The following TAMM41 variants were observed in gnomAD, a reference collection of about 807,000 sequenced individuals.
TAMM41 encodes phosphatidate cytidylyltransferase, mitochondrial.
In TAMM41, 36 loss-of-function variants were observed where a neutral mutation model predicts 44.1. The observed-to-expected ratio is 0.82, with a 90% CI of 0.63 to 1.08. TAMM41 has a LOEUF of 1.08. Among genes scored for constraint, TAMM41 ranks in the 50% least tolerant of loss-of-function variants. The pLI, the probability that TAMM41 is intolerant of heterozygous loss-of-function variation, is 0.00. For missense variants in TAMM41, 417 were observed against 404.3 expected (o/e 1.03, Z -0.27); for synonymous variants, 164 against 153.1 (o/e 1.07, Z -0.53).
intron 1 of TAMM41, among the ~76,000 whole-genome samples, chr3:11,845,425 G>A (rs1222608014): frequency 6.6e-6 from 1 of 152,170 alleles, no homozygotes; most frequent in African/African-American, 2.4e-5. Flanking sequence ...AAACCTCCAT[G>A]GAAGAATGAA....
At chr3:11,776,307 C>T in the TAMM41 span, among the ~76,000 whole-genome samples, 15 of 146,062 alleles carry the variant, frequency 1.0e-4, no homozygotes, top group Non-Finnish European at 2.1e-4. Flanking sequence ...TGTGAGCCAC[C>T]GCGCCCGGCC....
At chr3:11,727,316 T>C in the TAMM41 span, among the ~76,000 whole-genome samples, 1 of 152,212 alleles carries the variant, frequency 6.6e-6, no homozygotes, top group Non-Finnish European at 1.5e-5. Flanking sequence ...TGCAGACTAA[T>C]TGCATCCAGC....
At chr3:11,813,936 ATATG>A (rs1312603502) in intron 5 of TAMM41, among the ~76,000 whole-genome samples, 2 of 149,200 alleles carry the variant, frequency 1.3e-5, no homozygotes, top group Admixed American at 6.7e-5. Context: ...ATGTGTGTAT[ATATG>A]TGTATATATA....
At chr3:11,771,214 G>A in the TAMM41 span, 1 of 152,392 alleles carries the variant, frequency 6.6e-6, no homozygotes, top group African/African-American at 2.4e-5. Flanking sequence ...TGAACAGGAA[G>A]AGACACTAGG....
At chr3:11,727,913 A>T in the TAMM41 span, among the ~76,000 whole-genome samples, 4 of 150,972 alleles carry the variant, frequency 2.6e-5, 1 homozygote, top group Admixed American at 2.6e-4. Flanking sequence ...CAGCCTCCTG[A>T]GTAGCTGGGA....
chr3:11,764,488 T>TTTTTTTTTTTTTG, the TAMM41 span, among the ~76,000 whole-genome samples: 1 of 107,240 alleles, frequency 9.3e-6, no homozygotes, highest in Non-Finnish European at 1.9e-5. Context: ...ATCTTATTCT[T>TTTTTTTTTTTTTG]TTTTTTTTTT....
the TAMM41 span, among the ~76,000 whole-genome samples, chr3:11,780,519 G>A: frequency 6.6e-6 from 1 of 152,192 alleles, no homozygotes; most frequent in African/African-American, 2.4e-5. Context: ...CTGATGGCCC[G>A]GTTTGGGATC....
chr3:11,753,321 C>A, the TAMM41 span, among the ~76,000 whole-genome samples: 1 of 152,042 alleles, frequency 6.6e-6, no homozygotes, highest in African/African-American at 2.4e-5. Context: ...GTAGTCCCAG[C>A]TACTTGGGAG....
the TAMM41 span, among the ~76,000 whole-genome samples, chr3:11,779,416 C>T: frequency 6.6e-6 from 1 of 152,174 alleles, no homozygotes; most frequent in East Asian, 1.9e-4. Context: ...AATGGTAAAG[C>T]TTTTCATGAG....
At chr3:11,809,331 C>T in intron 6 of TAMM41, 186 bp downstream of exon 6, 1 of 618,170 alleles carries the variant, frequency 1.6e-6, no homozygotes, top group Non-Finnish European at 2.7e-6. Context: ...GTATTTTCAC[C>T]ATCTTACTTC....
At chr3:11,745,015 C>A in the TAMM41 span, among the ~76,000 whole-genome samples, 1 of 152,122 alleles carries the variant, frequency 6.6e-6, no homozygotes, top group Non-Finnish European at 1.5e-5. Flanking sequence ...AGGTGCCCAC[C>A]ACCACACTCG....
chr3:11,831,955 A>G (rs2078998729), intron 3 of TAMM41, among the ~76,000 whole-genome samples: 2 of 152,206 alleles, frequency 1.3e-5, no homozygotes, highest in South Asian at 4.1e-4. Flanking sequence ...GTATTACTGC[A>G]ATCATCTGCA....
At chr3:11,754,428 C>A in the TAMM41 span, among the ~76,000 whole-genome samples, 1 of 152,082 alleles carries the variant, frequency 6.6e-6, no homozygotes, top group Non-Finnish European at 1.5e-5. Flanking sequence ...GGCTGGAGTG[C>A]AGTGGTGCAA....
chr3:11,777,522 G>A, the TAMM41 span, among the ~76,000 whole-genome samples: 62 of 152,198 alleles, frequency 4.1e-4, no homozygotes, highest in African/African-American at 1.3e-3. Context: ...GGCCGGGTGC[G>A]GTGGCTCACG....
chr3:11,798,811 T>C lies in TAMM41; in HGVS notation c.938-8230A>G, dbSNP rs12485394. 6.0e-3 allele frequency among the ~76,000 whole-genome samples: 921 copies of C among 152,232 alleles called. 2 individuals are homozygous for C. The highest frequency in any genetic ancestry group is 9.9e-3 in the Non-Finnish European group (670 of 68,018). ...GGGCCAGGGGCTAACACTATTCAAA[T>C]ATGACATTGTAAAGAGGCTTGTTTT... On this transcript the variant is annotated intron_variant, in intron 7 of 7. Coordinates refer to ENST00000455809, the MANE Select transcript of TAMM41 (RefSeq NM_001284401.2).
intron 5 of TAMM41, among the ~76,000 whole-genome samples, chr3:11,811,713 A>C (rs990575712): frequency 6.6e-6 from 1 of 152,232 alleles, no homozygotes; most frequent in African/African-American, 2.4e-5. Context: ...ACTTTATATG[A>C]TTCCATGCAT....
the TAMM41 span, among the ~76,000 whole-genome samples, chr3:11,769,800 A>G: frequency 6.6e-6 from 1 of 152,232 alleles, no homozygotes; most frequent in African/African-American, 2.4e-5. Context: ...AAGAGGAGTC[A>G]GGTCCTCTAC....
Position 11,803,079 on chromosome 3 carries a change from C to T in TAMM41, c.937+4754G>A, listed in dbSNP as rs537125243. Among the ~76,000 whole-genome samples, 6 of 152,304 alleles carry T rather than the reference C, an allele frequency of 3.9e-5. 1 individual carries two copies. Among genetic ancestry groups the T allele is most frequent in the South Asian group, 2.1e-4 (1 of 4,824 alleles). Reference sequence around the variant, plus strand: ...TTGAGATCAGGAATTCAAGGCCAGCCTGGCCAACATGGTGAAACTCCGATT... The same window carrying T: ...TTGAGATCAGGAATTCAAGGCCAGCTTGGCCAACATGGTGAAACTCCGATT... On this transcript the variant is annotated intron_variant, in intron 7 of 7. Transcript: ENST00000455809.
chr3:11,799,986 C>T (rs1418568737), intron 7 of TAMM41, among the ~76,000 whole-genome samples: 1 of 152,130 alleles, frequency 6.6e-6, no homozygotes, highest in Non-Finnish European at 1.5e-5. Flanking sequence ...AATTTTATAT[C>T]CTGCTAGAAT....
Sources: allele counts gnomAD v4.1 joint callset (sites outside exome capture counted in the v4.1 genomes callset), GRCh38; gene constraint gnomAD v4.1.1; transcripts MANE v1.5; gene names NCBI Gene and HGNC (gene_info 2026-07-23, HGNC 2026-07-21).